CCNG2: variants seen among roughly 807,000 people sequenced by gnomAD.
CCNG2 encodes the protein cyclin-G2.
CCNG2 carries 20 observed loss-of-function variants against 36.5 expected under a neutral mutation model. The ratio of observed to expected loss-of-function variants is 0.55; its 90% confidence interval spans 0.39 to 0.80. CCNG2 has a LOEUF of 0.80. Ranked by LOEUF, CCNG2 falls within the 30% of genes least tolerant of loss-of-function variation. The probability of loss-of-function intolerance (pLI) is 0.00; values close to 1 mark genes in which losing one functional copy is unlikely to be tolerated. For missense variants in CCNG2, 358 were observed against 390.8 expected (o/e 0.92, Z 0.71); for synonymous variants, 155 against 140.1 (o/e 1.11, Z -0.75).
In CCNG2 at chr4:77,166,029, A is replaced by G. The variant is rs911216851; in HGVS notation, c.*105A>G. Reference sequence around the variant, plus strand: ...CCCCCATCTAGTCAGGAATTAATATACTGGAATACCTACCTTCTATTTGTT... The same window carrying G: ...CCCCCATCTAGTCAGGAATTAATATGCTGGAATACCTACCTTCTATTTGTT... On this transcript the variant is annotated 3_prime_UTR_variant, in exon 8 of 8. Transcript: ENST00000316355. 15 of 1,018,730 alleles carry G rather than the reference A, an allele frequency of 1.5e-5. No individual in the cohort carries two copies. The highest frequency in any genetic ancestry group is 2.0e-5 in the Non-Finnish European group (14 of 715,346). The allele number at this position is 1,018,730 out of a possible 1,614,324, so 63.1% of individuals were successfully genotyped here. A position where few individuals can be genotyped will look rare whatever the true frequency, so the allele number is the denominator to read the frequency against.
At position 77,157,270 on chromosome 4, in the gene CCNG2, G is replaced by T. The variant is rs1191969857; in HGVS notation, c.-237G>T. 6.6e-6 allele frequency: 1 copy of T among 152,438 alleles called. No homozygotes were observed. The highest frequency in any genetic ancestry group is 2.4e-5 in the African/African-American group (1 of 41,426). 9.4% of individuals were successfully genotyped at this position (152,438 alleles called of 1,614,324 possible). On this transcript the variant is annotated 5_prime_UTR_variant, in exon 1 of 8. Coordinates refer to ENST00000316355, the MANE Select transcript of CCNG2 (RefSeq NM_004354.3). ...TGAGGCGGCGGGGGTGCGGCGGTGG[G>T]CTGGTCTTCCGCGGCCGGCGTTGCG...
At chr4:77,159,726 T>C (rs1731375731) in intron 3 of CCNG2, among the ~76,000 whole-genome samples, 2 of 152,236 alleles carry the variant, frequency 1.3e-5, no homozygotes, top group South Asian at 2.1e-4. Flanking sequence ...TCTTAAGTAC[T>C]TTCTCTTGAA....
At chr4:77,165,662 A>C in intron 7 of CCNG2, 139 bp from the exon 8 acceptor site, 1 of 635,780 alleles carries the variant, frequency 1.6e-6, no homozygotes, top group South Asian at 2.8e-5. Flanking sequence ...GGAAGTCCTT[A>C]TAAATTTTGT....
intron 6 of CCNG2, among the ~76,000 whole-genome samples, chr4:77,162,838 T>C (rs890582586): frequency 6.6e-6 from 1 of 151,638 alleles, no homozygotes; most frequent in Admixed American, 6.6e-5. Flanking sequence ...TAAAAGTCAT[T>C]TTAGGGTAGA....
chr4:77,158,366 TG>T, intron 1 of CCNG2, 166 bp from the exon 2 acceptor site: 1 of 622,628 alleles, frequency 1.6e-6, no homozygotes, highest in Non-Finnish European at 2.8e-6. Context: ...CTGGCCGTGG[TG>T]GGGATTGCCC....
In CCNG2 at chr4:77,168,357, A is replaced by G. The variant is rs981990449; in HGVS notation, c.*2433A>G. 4 of 152,152 alleles carry G rather than the reference A, an allele frequency of 2.6e-5. No individual in the cohort carries two copies. The highest frequency in any genetic ancestry group is 9.7e-5 in the African/African-American group (4 of 41,418). 9.4% of individuals were successfully genotyped at this position (152,152 alleles called of 1,614,324 possible). On this transcript the variant is annotated 3_prime_UTR_variant, in exon 8 of 8. Coordinates refer to ENST00000316355, the MANE Select transcript of CCNG2 (RefSeq NM_004354.3). ...GCAGAGGTACTGTAATATATTTGTGATCCCTCAGCTTCCAGGCTTACTCCT... is the reference window on the plus strand; with the variant it reads ...GCAGAGGTACTGTAATATATTTGTGGTCCCTCAGCTTCCAGGCTTACTCCT...
rs1383073985 is a variant in CCNG2 at position 77,167,221 on chromosome 4, A to G, written c.*1297A>G. ...TATTAATGAATTCTCCTTGTTTGGG[A>G]TCACATCTTAATTTTTAATCTGTTA... is the stretch of plus-strand genomic sequence containing the variant. On this transcript the variant is annotated 3_prime_UTR_variant, in exon 8 of 8. Transcript: ENST00000316355. The G allele has an allele frequency of 6.6e-6, 1 of 152,186 alleles. No individual in the cohort carries two copies. Among genetic ancestry groups the G allele is most frequent in the Non-Finnish European group, 1.5e-5 (1 of 68,028 alleles). The allele number at this position is 152,186 out of a possible 1,614,324, so 9.4% of individuals were successfully genotyped here.
At position 77,164,400 on chromosome 4, in the gene CCNG2, C is replaced by A. The variant is rs771864933; in HGVS notation, c.832C>A (p.Gln278Lys). The A allele has an allele frequency of 1.2e-6, 2 of 1,614,104 alleles. No individual in the cohort carries two copies. The highest frequency in any genetic ancestry group is 1.7e-5 in the Admixed American group (1 of 60,020). The change falls in exon 7 of 8, where the codon CAG becomes AAG. Residue 278 changes from glutamine (Q) to lysine (K), a missense_variant. By Grantham distance (53) the Gln-to-Lys change is moderately conservative (BLOSUM62 1). Transcript: ENST00000316355. ...TTGGATCGTTTCAAGGCGCACAGCCCAGAACCTCCACAACAGCTACTATAG... is the reference window on the plus strand; with the variant it reads ...TTGGATCGTTTCAAGGCGCACAGCCAAGAACCTCCACAACAGCTACTATAG... ...LVWIVSRRTA[Q>K]NLHNSYYSVP... is the part of the protein sequence containing the mutation.
At chr4:77,161,445 A>C (rs1484771817) in intron 4 of CCNG2, 35 bp from the exon 5 acceptor site, 2 of 1,416,292 alleles carry the variant, frequency 1.4e-6, no homozygotes, top group Non-Finnish European at 1.9e-6. Flanking sequence ...AAATCTTTGG[A>C]AGTTTAATAA....
At chr4:77,161,040 G>A (rs1209682822) in intron 4 of CCNG2, 69 bp downstream of exon 4, 1 of 1,142,170 alleles carries the variant, frequency 8.8e-7, no homozygotes, top group African/African-American at 1.6e-5. Flanking sequence ...AATTGGAATG[G>A]CAATGAAATT....
chr4:77,158,497 C>A (rs761724456), intron 1 of CCNG2, 36 bp from the exon 2 acceptor site: 2 of 1,613,090 alleles, frequency 1.2e-6, no homozygotes, highest in Non-Finnish European at 1.7e-6. Context: ...CCTCTTACCC[C>A]CAGATTACAT....
rs1731571173 is a variant in CCNG2 at position 77,164,453 on chromosome 4, G to A, written c.885G>A (p.Glu295=). ...TTCCTGAGCTGCCAACGATACCTGA[G>A]GGGGGTTGTTTTGATGAAAGTGAAA... is the stretch of plus-strand genomic sequence containing the variant. The part of the protein sequence containing the change: ...YSVPELPTIP[E]GGCFDESESE... Residue 295 remains glutamate (E), a synonymous_variant, in exon 7 of 8, where the codon GAG becomes GAA. Coordinates refer to ENST00000316355, the MANE Select transcript of CCNG2 (RefSeq NM_004354.3). 6.2e-7 allele frequency: 1 copy of A among 1,613,698 alleles called. No individual in the cohort carries two copies. The highest frequency in any genetic ancestry group is 8.5e-7 in the Non-Finnish European group (1 of 1,179,692).
chr4:77,160,250 A>C (rs183229232), intron 3 of CCNG2, among the ~76,000 whole-genome samples: 1 of 151,930 alleles, frequency 6.6e-6, no homozygotes, highest in Admixed American at 6.5e-5. Context: ...TATGAATTTC[A>C]TAAGTCTGAA....
Position 77,168,060 on chromosome 4 carries a change from T to C in CCNG2, c.*2136T>C, listed in dbSNP as rs1731674179. On this transcript the variant is annotated 3_prime_UTR_variant, in exon 8 of 8. Transcript: ENST00000316355. ...GTTTTCAGTGTATTTAGTCGAGACC[T>C]CTCTGCTGAGCTTGCAACCTGTTTA... The C allele has an allele frequency of 6.6e-6, 1 of 152,176 alleles. No homozygotes were observed. The highest frequency in any genetic ancestry group is 6.5e-5 in the Admixed American group (1 of 15,278). The allele number at this position is 152,176 out of a possible 1,614,324, so 9.4% of individuals were successfully genotyped here.
In CCNG2 at chr4:77,161,763, A is replaced by G; in HGVS notation, c.705+16A>G. The G allele has an allele frequency of 6.6e-7, 1 of 1,523,624 alleles. No homozygotes were observed. Among genetic ancestry groups the G allele is most frequent in the East Asian group, 2.3e-5 (1 of 44,358 alleles). The allele number at this position is 1,523,624 out of a possible 1,614,324, so 94.4% of individuals were successfully genotyped here. On this transcript the variant is annotated intron_variant, in intron 6 of 7. Transcript: ENST00000316355. ...ACATTCCAAGGTAATTACAGTCATT[A>G]TTCTTTAAGGCAAATTTTTTTCCTG...
intron 1 of CCNG2, among the ~76,000 whole-genome samples, 188 bp downstream of exon 1, chr4:77,157,694 G>C (rs1731299963): frequency 6.6e-6 from 1 of 152,092 alleles, no homozygotes; most frequent in African/African-American, 2.4e-5. Flanking sequence ...ATAGATGCTC[G>C]TGGGGTGGAA....
Position 77,165,987 on chromosome 4 carries a change from G to A in CCNG2, c.*63G>A. 6.7e-7 allele frequency: 1 copy of A among 1,491,266 alleles called. No individual in the cohort carries two copies. Among genetic ancestry groups the A allele is most frequent in the South Asian group, 1.3e-5 (1 of 76,700 alleles). 92.4% of individuals were successfully genotyped at this position (1,491,266 alleles called of 1,614,324 possible). ...TTCAAAGCAATAAATGGGGGAATAGGTAGTTTCCTGGTTTAGCCCCCATCT... is the reference window on the plus strand; with the variant it reads ...TTCAAAGCAATAAATGGGGGAATAGATAGTTTCCTGGTTTAGCCCCCATCT... On this transcript the variant is annotated 3_prime_UTR_variant, in exon 8 of 8. Transcript: ENST00000316355.
chr4:77,158,204 C>T (rs1012721268), intron 1 of CCNG2: 11 of 327,008 alleles, frequency 3.4e-5, no homozygotes, highest in South Asian at 2.7e-4. Context: ...AGAAGGCCCT[C>T]CCTGGCGCGA....
chr4:77,161,653 C>T lies in CCNG2; in HGVS notation c.611C>T (p.Ser204Phe). 6.3e-7 allele frequency: 1 copy of T among 1,583,946 alleles called. No homozygotes were observed. Among genetic ancestry groups the T allele is most frequent in the Non-Finnish European group, 8.6e-7 (1 of 1,168,418 alleles). The change falls in exon 6 of 8, where the codon TCT becomes TTT. Residue 204 changes from serine (S) to phenylalanine (F), a missense_variant. By Grantham distance (155) the Ser-to-Phe change is radical (BLOSUM62 -2). Coordinates refer to ENST00000316355, the MANE Select transcript of CCNG2 (RefSeq NM_004354.3). The part of the protein sequence containing the change: ...CRLIFSKAKP[S>F]VLALCLLNLE... Reference sequence around the variant, plus strand: ...TTTTTTTCTTTTTTCTTACAGCCATCTGTATTAGCCTTGTGCCTTCTCAAT... The same window carrying T: ...TTTTTTTCTTTTTTCTTACAGCCATTTGTATTAGCCTTGTGCCTTCTCAAT...
Sources: allele counts gnomAD v4.1 joint callset (sites outside exome capture counted in the v4.1 genomes callset), GRCh38; gene constraint gnomAD v4.1.1; transcripts MANE v1.5; gene names NCBI Gene and HGNC (gene_info 2026-07-23, HGNC 2026-07-21).